Variants in SFMBT1 observed in about 807,000 individuals in gnomAD.
The protein encoded by SFMBT1 is scm-like with four MBT domains protein 1.
SFMBT1 carries 32 observed loss-of-function variants against 108.7 expected under a neutral mutation model. That is an observed-to-expected ratio of 0.29 (90% CI 0.22 to 0.40). The LOEUF (loss-of-function observed/expected upper bound fraction) is 0.40. Ranked by LOEUF, SFMBT1 falls within the 10% of genes least tolerant of loss-of-function variation. The pLI is 1.00. For synonymous variants in SFMBT1, 348 were observed against 369.5 expected, an observed-to-expected ratio of 0.94 and a Z score of 0.67; for missense variants, 816 against 1,059.6, an observed-to-expected ratio of 0.77 and a Z score of 3.19.
intron 9 of SFMBT1, among the ~76,000 whole-genome samples, chr3:52,926,851 A>T (rs1269108038): frequency 6.6e-6 from 1 of 151,994 alleles, no homozygotes; most frequent in Non-Finnish European, 1.5e-5. Context: ...CACAGGCAAA[A>T]AAATAGGCTA....
intron 5 of SFMBT1, among the ~76,000 whole-genome samples, chr3:52,933,183 T>G (rs947723001): frequency 6.6e-6 from 1 of 152,236 alleles, no homozygotes; most frequent in Non-Finnish European, 1.5e-5. Context: ...TATCTTTCTA[T>G]AATAGCACAT....
intron 4 of SFMBT1, among the ~76,000 whole-genome samples, chr3:52,942,202 A>T (rs1235837459): frequency 1.3e-5 from 2 of 152,246 alleles, no homozygotes; most frequent in Non-Finnish European, 2.9e-5. Flanking sequence ...ATCTGTAAAC[A>T]GTATTGTATC....
intron 2 of SFMBT1, among the ~76,000 whole-genome samples, chr3:52,955,639 C>T (rs142961985): frequency 6.9e-4 from 105 of 152,100 alleles, no homozygotes; most frequent in African/African-American, 2.4e-3. Context: ...ATACACCCTC[C>T]CAAGACTGAA....
intron 9 of SFMBT1, among the ~76,000 whole-genome samples, chr3:52,927,643 T>G (rs1468238044): frequency 6.6e-6 from 1 of 152,224 alleles, no homozygotes; most frequent in Admixed American, 6.5e-5. Context: ...GATCAAAGAC[T>G]ATATTTTGCA....
At chr3:52,949,568 C>CTTTTTTTTTTTTTTTTTTTTTTTTT (rs59842273) in intron 3 of SFMBT1, among the ~76,000 whole-genome samples, 3 of 77,388 alleles carry the variant, frequency 3.9e-5, no homozygotes, top group Admixed American at 1.4e-4. Context: ...TAATGTCCTT[C>CTTTTTTTTTTTTTTTTTTTTTTTTT]TTTTTTTTTT....
At position 52,920,666 on chromosome 3, in the gene SFMBT1, C is replaced by G. The variant is rs1171021422; in HGVS notation, c.1259-16G>C. ...TTCTTAGAACCTGTTTAGATTTAAA[C>G]AAACAAACAAACAAACAAACAAACC... On this transcript the variant is annotated splice_polypyrimidine_tract_variant and intron_variant, in intron 11 of 20. Coordinates refer to ENST00000394752, the MANE Select transcript of SFMBT1 (RefSeq NM_016329.4). 7.7e-7 allele frequency: 1 copy of G among 1,290,696 alleles called. No homozygotes were observed. The highest frequency in any genetic ancestry group is 2.1e-5 in the Admixed American group (1 of 48,478). 80.0% of individuals were successfully genotyped at this position (1,290,696 alleles called of 1,614,324 possible).
At chr3:53,044,406 A>G (rs957520074) in intron 1 of SFMBT1, among the ~76,000 whole-genome samples, 2 of 152,364 alleles carry the variant, frequency 1.3e-5, no homozygotes, top group Middle Eastern at 3.4e-3. Flanking sequence ...CGGTAATAAC[A>G]GAACTGTTTC....
chr3:52,984,136 C>T (rs557075908), intron 1 of SFMBT1, among the ~76,000 whole-genome samples: 5 of 152,084 alleles, frequency 3.3e-5, no homozygotes, highest in African/African-American at 1.2e-4. Context: ...ATAGAACTGC[C>T]ACTTATGGAA....
At chr3:52,959,556 A>G (rs1703892568) in intron 2 of SFMBT1, among the ~76,000 whole-genome samples, 1 of 152,126 alleles carries the variant, frequency 6.6e-6, no homozygotes, top group Non-Finnish European at 1.5e-5. Flanking sequence ...TACATTTGCT[A>G]TCCCTCAACT....
chr3:52,938,626 T>C (rs2106807398), intron 4 of SFMBT1, among the ~76,000 whole-genome samples: 1 of 123,002 alleles, frequency 8.1e-6, no homozygotes, highest in Non-Finnish European at 1.7e-5. Flanking sequence ...TTATATTACA[T>C]GGCAATAAAG....
At chr3:53,045,536 G>A (rs927958087) in intron 1 of SFMBT1, among the ~76,000 whole-genome samples, 2 of 142,636 alleles carry the variant, frequency 1.4e-5, no homozygotes, top group Admixed American at 6.9e-5. Context: ...GCCGCGGCGA[G>A]GCGCCCAGGC....
At chr3:52,931,493 A>G (rs1460124660) in intron 6 of SFMBT1, among the ~76,000 whole-genome samples, 3 of 152,100 alleles carry the variant, frequency 2.0e-5, no homozygotes, top group Non-Finnish European at 4.4e-5. Flanking sequence ...ACAGTAGTCT[A>G]TGAGGTATAT....
chr3:52,963,353 T>TA (rs944363607), intron 2 of SFMBT1, among the ~76,000 whole-genome samples: 1 of 152,140 alleles, frequency 6.6e-6, no homozygotes, highest in South Asian at 2.1e-4. Context: ...AAATTGAAAT[T>TA]AAAAAAATTC....
intron 3 of SFMBT1, among the ~76,000 whole-genome samples, chr3:52,948,228 C>G (rs114261558): frequency 6.8e-6 from 1 of 146,450 alleles, no homozygotes; most frequent in African/African-American, 2.5e-5. Flanking sequence ...GCACTTTTCC[C>G]GACCACTATA....
chr3:53,005,572 G>C (rs115510335), intron 1 of SFMBT1, among the ~76,000 whole-genome samples: 5 of 152,138 alleles, frequency 3.3e-5, no homozygotes, highest in African/African-American at 1.2e-4. Context: ...TTGGCCTTCC[G>C]AAGTGTTGGG....
intron 2 of SFMBT1, among the ~76,000 whole-genome samples, chr3:52,958,643 T>G (rs1332896119): frequency 6.6e-6 from 1 of 152,132 alleles, no homozygotes; most frequent in African/African-American, 2.4e-5. Flanking sequence ...CTGTTGAGGC[T>G]GCAGAGAAAT....
At chr3:52,998,875 C>A (rs1217955907) in intron 1 of SFMBT1, among the ~76,000 whole-genome samples, 1 of 150,432 alleles carries the variant, frequency 6.6e-6, no homozygotes, top group Non-Finnish European at 1.5e-5. Context: ...CAGCGCTGCT[C>A]GCCTAGCTGT....
At chr3:53,013,615 C>CTTTTTTTTTTTTTTT in intron 1 of SFMBT1, among the ~76,000 whole-genome samples, 1 of 58,082 alleles carries the variant, frequency 1.7e-5, no homozygotes, top group Non-Finnish European at 2.8e-5. Flanking sequence ...TATAAAGAAT[C>CTTTTTTTTTTTTTTT]TTTTTTTTTT....
intron 1 of SFMBT1, among the ~76,000 whole-genome samples, chr3:52,994,082 G>C (rs1698234396): frequency 6.7e-6 from 1 of 150,216 alleles, no homozygotes; most frequent in South Asian, 2.1e-4. Flanking sequence ...TACTGCAGAG[G>C]AAAACAACAA....
Sources: allele counts gnomAD v4.1 joint callset (sites outside exome capture counted in the v4.1 genomes callset), GRCh38; gene constraint gnomAD v4.1.1; transcripts MANE v1.5; gene names NCBI Gene and HGNC (gene_info 2026-07-23, HGNC 2026-07-21).